DCD: variants seen among roughly 807,000 people sequenced by gnomAD.
DCD encodes diffusible survival/evasion peptide.
Under a neutral mutation model 14.5 loss-of-function variants are expected in DCD, and 17 were observed. The observed-to-expected ratio is 1.18, with a 90% CI of 0.81 to 1.76. The LOEUF (loss-of-function observed/expected upper bound fraction) is 1.76. Among genes scored for constraint, DCD ranks in the 40% most tolerant of loss-of-function variants. DCD has a pLI of 0.00. For missense variants in DCD, 139 were observed against 133.4 expected (o/e 1.04, Z -0.21); for synonymous variants, 64 against 54.0 (o/e 1.19, Z -0.82).
chr12:54,645,989 A>C (rs1460058961), intron 2 of DCD: 1 of 486,288 alleles, frequency 2.1e-6, no homozygotes, highest in South Asian at 1.5e-5. Context: ...ATCACCTTAA[A>C]GAGACTCCCC....
intron 1 of DCD, among the ~76,000 whole-genome samples, chr12:54,647,524 T>C (rs559340791): frequency 6.6e-6 from 1 of 152,344 alleles, no homozygotes; most frequent in South Asian, 2.1e-4. Flanking sequence ...GTTCTGATTG[T>C]CACCTGATAG....
chr12:54,647,247 C>A, intron 1 of DCD, 88 bp from the exon 2 acceptor site: 1 of 1,314,190 alleles, frequency 7.6e-7, no homozygotes, highest in Non-Finnish European at 1.1e-6. Context: ...TCCCAGGCCT[C>A]TAATCTCAGG....
rs755608119 is a variant in DCD at position 54,644,671 on chromosome 12, G to A, written c.*42C>T. On this transcript the variant is annotated 3_prime_UTR_variant, in exon 5 of 5. Coordinates refer to ENST00000293371, the MANE Select transcript of DCD (RefSeq NM_053283.4). Reference sequence around the variant, plus strand: ...TTAGGTTTTAGGCTGAAGACGTAAAGCCTGCTGCTCCTGGGTATCATTTCT... The same window carrying A: ...TTAGGTTTTAGGCTGAAGACGTAAAACCTGCTGCTCCTGGGTATCATTTCT... The A allele has an allele frequency of 1.6e-6, 2 of 1,224,640 alleles. 1 individual carries two copies. The highest frequency in any genetic ancestry group is 2.5e-5 in the South Asian group (2 of 78,468). 75.9% of individuals were successfully genotyped at this position (1,224,640 alleles called of 1,614,324 possible).
At chr12:54,647,460 G>A (rs891955154) in intron 1 of DCD, among the ~76,000 whole-genome samples, 26 of 152,302 alleles carry the variant, frequency 1.7e-4, no homozygotes, top group African/African-American at 6.0e-4. Context: ...AGTTGAAGGG[G>A]CATGACCACG....
intron 3 of DCD, 66 bp from the exon 4 acceptor site, chr12:54,645,328 C>G (rs1240282459): frequency 6.8e-7 from 1 of 1,480,100 alleles, no homozygotes; most frequent in African/African-American, 1.4e-5. Flanking sequence ...TAGGAGAGCT[C>G]CCCCGCTTCC....
intron 2 of DCD, 56 bp downstream of exon 2, chr12:54,647,065 C>T: frequency 6.5e-7 from 1 of 1,529,836 alleles, no homozygotes; most frequent in Non-Finnish European, 8.8e-7. Flanking sequence ...CACTCATATC[C>T]CAAGTCATTA....
rs746293354 is a variant in DCD, at chr12:54,645,671, G to A, written c.134C>T (p.Ala45Val). 1.9e-6 allele frequency: 3 copies of A among 1,613,966 alleles called. No individual in the cohort carries two copies. The East Asian group carries it at 6.7e-5, about 36-fold the overall frequency. Residue 45 changes from alanine to valine, a missense_variant, in exon 3 of 5, where the codon GCA (alanine) becomes GTA (valine). Coordinates refer to ENST00000293371, the MANE Select transcript of DCD (RefSeq NM_053283.4). ...HEASAAQKENAGEDPGLARQA... is the reference protein window; with the variant it reads ...HEASAAQKENVGEDPGLARQA... Reference sequence around the variant, plus strand: ...TCTGGCTAACCCTGGGTCTTCACCTGCATTTTCCTTTTGAGCTGCTGATGC... The same window carrying A: ...TCTGGCTAACCCTGGGTCTTCACCTACATTTTCCTTTTGAGCTGCTGATGC...
intron 3 of DCD, 121 bp downstream of exon 3, chr12:54,645,485 C>A (rs571454366): frequency 2.0e-6 from 2 of 979,986 alleles, no homozygotes; most frequent in Non-Finnish European, 3.1e-6. Flanking sequence ...CCCAAGCCCT[C>A]CCTAGGAATA....
At chr12:54,645,560 T>C (rs1416450750) in intron 3 of DCD, 46 bp downstream of exon 3, 2 of 1,539,368 alleles carry the variant, frequency 1.3e-6, no homozygotes, top group Admixed American at 3.4e-5. Context: ...TATCTTGCTG[T>C]TTCATGCATC....
At chr12:54,644,791 G>A in intron 4 of DCD, 35 bp from the exon 5 acceptor site, 5 of 1,589,882 alleles carry the variant, frequency 3.1e-6, no homozygotes, top group South Asian at 2.3e-5. Context: ...GGGTAAAGGG[G>A]TAGGAAGAAA....
intron 1 of DCD, 35 bp from the exon 2 acceptor site, chr12:54,647,194 G>C: frequency 6.4e-7 from 1 of 1,553,684 alleles, no homozygotes; most frequent in Non-Finnish European, 8.7e-7. Context: ...TGTCAAGTAG[G>C]GCACAGTTGC....
At chr12:54,645,104 G>A in intron 4 of DCD, 69 bp downstream of exon 4, 7 of 1,556,086 alleles carry the variant, frequency 4.5e-6, no homozygotes, top group East Asian at 2.2e-5. Context: ...GGCTGTGGCA[G>A]TTTCAGATCT....
chr12:54,645,082 C>T (rs2097966406), intron 4 of DCD, 91 bp downstream of exon 4: 1 of 1,511,540 alleles, frequency 6.6e-7, no homozygotes, highest in Non-Finnish European at 9.2e-7. Context: ...AGTGAGGGGT[C>T]TTCAATGGGG....
intron 3 of DCD, 98 bp from the exon 4 acceptor site, chr12:54,645,360 A>G (rs7966668): frequency 0.13 from 166,838 of 1,248,936 alleles, 12,930 homozygotes; most frequent in Middle Eastern, 0.21. Context: ...GGCACCCCTA[A>G]GGTGAAGTGG....
chr12:54,647,325 G>A (rs947823307), intron 1 of DCD, among the ~76,000 whole-genome samples, 166 bp from the exon 2 acceptor site: 9 of 152,186 alleles, frequency 5.9e-5, no homozygotes, highest in Non-Finnish European at 1.3e-4. Flanking sequence ...ATGCTTTTTG[G>A]TATCTCAACC....
intron 1 of DCD, among the ~76,000 whole-genome samples, chr12:54,647,719 A>T (rs924969744): frequency 6.6e-6 from 1 of 152,334 alleles, no homozygotes; most frequent in Admixed American, 6.5e-5. Context: ...AATTACATAA[A>T]CAATTATTTA....
Position 54,645,249 on chromosome 12 carries a change from G to A in DCD, c.213C>T (p.Asp71=), listed in dbSNP as rs200905618. The A allele has an allele frequency of 7.8e-5, 126 of 1,613,840 alleles. 2 individuals are homozygous for A. In the South Asian group the frequency reaches 1.1e-3, roughly 14 times the overall value. The change falls in exon 4 of 5, where the codon GAC becomes GAT. Residue 71 remains aspartate (D), a synonymous_variant. Transcript: ENST00000293371. ...QRSSLLEKGL[D]GAKKAVGGLG... is the part of the protein sequence containing the mutation. ...GTCCCCCCACAGCTTTTTTTGCTCC[G>A]TCTAGGCCTTTTTCTAGGGTGGATT...
In DCD at chr12:54,646,828, C is replaced by A. The variant is rs142156704; in HGVS notation, c.97+293G>T. Among the ~76,000 whole-genome samples, 66 of 152,256 alleles carry A rather than the reference C, an allele frequency of 4.3e-4. 2 individuals carry two copies. Among genetic ancestry groups the A allele is most frequent in the African/African-American group, 1.5e-3 (61 of 41,550 alleles). ...GTGAAGGTGGGGCAGATGAAAACCTCTGAACCCATCTAATGTGAAGTTCCT... is the reference window on the plus strand; with the variant it reads ...GTGAAGGTGGGGCAGATGAAAACCTATGAACCCATCTAATGTGAAGTTCCT... On this transcript the variant is annotated intron_variant, in intron 2 of 4. Transcript: ENST00000293371.
rs749748187 is a variant in DCD, at chr12:54,648,276, T to A, written c.28A>T (p.Thr10Ser). The change falls in exon 1 of 5, where the codon ACA (threonine) becomes TCA (serine). Residue 10 changes from threonine (T) to serine (S), a missense_variant. Coordinates refer to ENST00000293371, the MANE Select transcript of DCD (RefSeq NM_053283.4). ...CAGACCAGGGCTCCTGCCAGAGCTG[T>A]CAGGAAGAGGAGAGTCATGAACCTC... Reference protein sequence around the residue: MRFMTLLFLTALAGALVCAY... With the variant: MRFMTLLFLSALAGALVCAY... 1 of 1,613,844 alleles carries A rather than the reference T, an allele frequency of 6.2e-7. No homozygotes were observed. Among genetic ancestry groups the A allele is most frequent in the Non-Finnish European group, 8.5e-7 (1 of 1,179,932 alleles).
Sources: gnomAD v4.1 joint callset for allele counts (sites outside exome capture counted in the v4.1 genomes callset) on GRCh38, gnomAD v4.1.1 for gene constraint, MANE v1.5 for transcripts, NCBI Gene and HGNC (gene_info 2026-07-23, HGNC 2026-07-21) for gene names.